Variants in EPHB1 observed in about 807,000 individuals in gnomAD.
EPHB1 encodes the protein EPH receptor B1, also known as ephrin type-B receptor 1.
A neutral mutation model predicts 94.4 loss-of-function variants in EPHB1; 30 were observed. The observed-to-expected ratio is 0.32, with a 90% confidence interval of 0.24 to 0.43. The LOEUF is 0.43. Ranked by LOEUF, EPHB1 falls within the 20% of genes least tolerant of loss-of-function variation. EPHB1 has a pLI of 1.00. For synonymous variants in EPHB1, 522 were observed against 489.1 expected (o/e 1.07, Z -0.89); for missense variants, 1,055 against 1,308.3 (o/e 0.81, Z 2.99).
chr3:134,837,328 A>T (rs971046627), intron 1 of EPHB1, among the ~76,000 whole-genome samples: 7 of 152,250 alleles, frequency 4.6e-5, no homozygotes, highest in Non-Finnish European at 8.8e-5. Flanking sequence ...CAAAAAAACA[A>T]GTTAATATTT....
intron 15 of EPHB1, among the ~76,000 whole-genome samples, chr3:135,255,363 A>C (rs1460805518): frequency 1.3e-5 from 2 of 149,418 alleles, no homozygotes; most frequent in African/African-American, 2.5e-5. Flanking sequence ...TAGTGCTATA[A>C]ATTTCCCTCT....
chr3:135,027,123 A>G (rs1441161590), intron 3 of EPHB1, among the ~76,000 whole-genome samples: 5 of 149,406 alleles, frequency 3.3e-5, no homozygotes, highest in Non-Finnish European at 6.0e-5. Flanking sequence ...GGCTGAGACA[A>G]TGGGGTTTTC....
At chr3:135,101,541 T>C (rs77799809) in intron 3 of EPHB1, among the ~76,000 whole-genome samples, 8 of 135,484 alleles carry the variant, frequency 5.9e-5, no homozygotes, top group African/African-American at 2.3e-4. Flanking sequence ...GCCCAGCTAA[T>C]TTTTTTTTTT....
At position 135,249,551 on chromosome 3, in the gene EPHB1, T is replaced by C; in HGVS notation, c.2846+60T>C. On this transcript the variant is annotated intron_variant, in intron 15 of 15. Coordinates refer to ENST00000398015, the MANE Select transcript of EPHB1 (RefSeq NM_004441.5). Reference sequence around the variant, plus strand: ...CTAGGGGTCAGTGCTCCTTCCCTGCTATTGCAGATGGTGTGAGTCCTATTT... The same window carrying C: ...CTAGGGGTCAGTGCTCCTTCCCTGCCATTGCAGATGGTGTGAGTCCTATTT... 1.9e-6 allele frequency: 3 copies of C among 1,557,896 alleles called. No individual in the cohort carries two copies. The South Asian group carries it at 3.6e-5, about 19-fold the overall frequency.
intron 9 of EPHB1, among the ~76,000 whole-genome samples, chr3:135,175,619 C>A (rs1941957888): frequency 6.6e-6 from 1 of 151,442 alleles, no homozygotes; most frequent in Admixed American, 6.6e-5. Context: ...CATTTTTGTG[C>A]CAAAGGTATG....
At chr3:135,250,950 A>T (rs1576501743) in intron 15 of EPHB1, among the ~76,000 whole-genome samples, 1 of 152,224 alleles carries the variant, frequency 6.6e-6, no homozygotes, top group Middle Eastern at 3.4e-3. Context: ...AAAGAGCAGT[A>T]GTGATCCACC....
chr3:135,240,555 C>T (rs1400632101), intron 12 of EPHB1, among the ~76,000 whole-genome samples: 3 of 152,184 alleles, frequency 2.0e-5, no homozygotes, highest in Admixed American at 1.3e-4. Flanking sequence ...GACCACAGCA[C>T]TGGGACCATT....
intron 3 of EPHB1, among the ~76,000 whole-genome samples, chr3:135,048,669 C>A (rs192948304): frequency 6.6e-6 from 1 of 152,302 alleles, no homozygotes; most frequent in Non-Finnish European, 1.5e-5. Flanking sequence ...CACACCTGCC[C>A]CTCGTGCACG....
chr3:134,829,962 CAGAAAGAA>C (rs1436596223), intron 1 of EPHB1, among the ~76,000 whole-genome samples: 1 of 152,174 alleles, frequency 6.6e-6, no homozygotes, highest in African/African-American at 2.4e-5. Flanking sequence ...TCACAGCCCT[CAGAAAGAA>C]CCAACCCTGC....
intron 1 of EPHB1, among the ~76,000 whole-genome samples, chr3:134,870,779 C>G (rs2037483294): frequency 6.6e-6 from 1 of 152,276 alleles, no homozygotes; most frequent in Non-Finnish European, 1.5e-5. Context: ...ATGCGAATCA[C>G]CAAGTTTCCA....
At chr3:134,852,475 C>T (rs946730749) in intron 1 of EPHB1, 6 of 152,096 alleles carry the variant, frequency 3.9e-5, no homozygotes, top group African/African-American at 1.4e-4. Context: ...TTAGTAATTC[C>T]TTGGTGGTGA....
intron 3 of EPHB1, among the ~76,000 whole-genome samples, chr3:135,013,239 C>T (rs1003253849): frequency 1.1e-4 from 16 of 152,174 alleles, no homozygotes; most frequent in African/African-American, 3.6e-4. Flanking sequence ...CCTCTCAGGA[C>T]CTTAGTAACA....
chr3:135,070,476 C>T (rs1057455561), intron 3 of EPHB1, among the ~76,000 whole-genome samples: 1 of 152,104 alleles, frequency 6.6e-6, no homozygotes, highest in Admixed American at 6.5e-5. Context: ...GAGTACTGAC[C>T]ACTATAAACT....
At chr3:134,845,062 C>G (rs893899542) in intron 1 of EPHB1, among the ~76,000 whole-genome samples, 3 of 152,200 alleles carry the variant, frequency 2.0e-5, no homozygotes, top group Non-Finnish European at 4.4e-5. Context: ...CACTCATAAT[C>G]TGAAAAATGA....
intron 11 of EPHB1, among the ~76,000 whole-genome samples, chr3:135,194,746 T>G (rs552733721): frequency 6.6e-6 from 1 of 152,166 alleles, no homozygotes; most frequent in Admixed American, 6.5e-5. Context: ...GAACAACTGA[T>G]GTAGATTACT....
At chr3:135,220,941 C>T (rs1159205102) in intron 12 of EPHB1, among the ~76,000 whole-genome samples, 2 of 152,198 alleles carry the variant, frequency 1.3e-5, no homozygotes, top group Non-Finnish European at 2.9e-5. Flanking sequence ...CTTTCTGGCC[C>T]ATGACTTAGT....
chr3:135,106,491 C>G lies in EPHB1; in HGVS notation c.849C>G (p.Gly283=). 6.2e-7 allele frequency: 1 copy of G among 1,614,028 alleles called. No individual in the cohort carries two copies. Among genetic ancestry groups the G allele is most frequent in the African/African-American group, 1.3e-5 (1 of 75,060 alleles). The change falls in exon 4 of 16, where the codon GGC becomes GGG. Residue 283 remains glycine (G), a synonymous_variant. Coordinates refer to ENST00000398015, the MANE Select transcript of EPHB1 (RefSeq NM_004441.5). ...TCAAGGCCAGCCAGGAAGCTGAAGG[C>G]TGCTCCCACTGCCCCTCCAACAGCC... ...GTFKASQEAE[G]CSHCPSNSRS... is the part of the protein sequence containing the mutation.
At chr3:134,865,672 A>G (rs1055999063) in intron 1 of EPHB1, among the ~76,000 whole-genome samples, 2 of 151,948 alleles carry the variant, frequency 1.3e-5, no homozygotes, top group African/African-American at 2.4e-5. Context: ...AAAAAAAGAA[A>G]GAAAGAAAGG....
chr3:135,130,936 C>G (rs1940393812), intron 4 of EPHB1, among the ~76,000 whole-genome samples: 1 of 152,164 alleles, frequency 6.6e-6, no homozygotes, highest in Non-Finnish European at 1.5e-5. Flanking sequence ...TGAGTCCCAT[C>G]AGTCAGAAGC....
Sources: allele counts gnomAD v4.1 joint callset (sites outside exome capture counted in the v4.1 genomes callset), GRCh38; gene constraint gnomAD v4.1.1; transcripts MANE v1.5; gene names NCBI Gene and HGNC (gene_info 2026-07-23, HGNC 2026-07-21).